DST: variants seen among roughly 807,000 people sequenced by gnomAD.
DST encodes the protein dystonin.
A neutral mutation model predicts 875.2 loss-of-function variants in DST; 253 were observed. The observed-to-expected ratio is 0.29, with a 90% CI of 0.26 to 0.32. The LOEUF is 0.32. Ranked by LOEUF, DST falls within the 10% of genes least tolerant of loss-of-function variation. DST has a pLI of 1.00. For missense variants in DST, 8,287 were observed against 9,111.6 expected (o/e 0.91, Z 3.68); for synonymous variants, 3,124 against 3,197.1 (o/e 0.98, Z 0.77).
At chr6:56,883,096 G>C (rs1592054953) in intron 3 of DST, among the ~76,000 whole-genome samples, 1 of 152,186 alleles carries the variant, frequency 6.6e-6, no homozygotes, top group East Asian at 1.9e-4. Context: ...TCAAACTCCT[G>C]ACCTCAGGTG....
chr6:56,472,011 G>GA (rs1207271998), intron 94 of DST, 48 bp downstream of exon 94: 1 of 1,591,862 alleles, frequency 6.3e-7, no homozygotes, highest in Admixed American at 1.7e-5. Context: ...GTGTTATGAG[G>GA]AATGAGGGCA....
intron 49 of DST, among the ~76,000 whole-genome samples, chr6:56,591,830 C>G (rs987286936): frequency 1.3e-5 from 2 of 151,554 alleles, no homozygotes; most frequent in Non-Finnish European, 1.5e-5. Context: ...AAAATTAGCG[C>G]CTGTAGTCCC....
chr6:56,629,257 C>CATGATACT lies in DST; in HGVS notation c.4467_4468insAGTATCAT (p.Asp1490SerfsTer10). The CATGATACT allele has an allele frequency of 6.2e-7, 1 of 1,613,674 alleles. No individual in the cohort carries two copies. Among genetic ancestry groups the CATGATACT allele is most frequent in the South Asian group, 1.1e-5 (1 of 91,062 alleles). Reference sequence around the variant, plus strand: ...ACAAAAAAGGATACTAACCTGTTGTCAATCTGCACATGAACATTTTGCCAC... The same window carrying CATGATACT: ...ACAAAAAAGGATACTAACCTGTTGTCATGATACTAATCTGCACATGAACATTTTGCCAC... On this transcript the variant is annotated frameshift_variant, in exon 32 of 104. Transcript: ENST00000680361. LOFTEE classifies it high-confidence loss of function.
At chr6:56,670,078 G>A (rs1398516249) in intron 10 of DST, among the ~76,000 whole-genome samples, 1 of 151,826 alleles carries the variant, frequency 6.6e-6, no homozygotes, top group African/African-American at 2.4e-5. Flanking sequence ...TGCTATCTGC[G>A]AAGTTACTGA....
At chr6:56,617,274 C>A (rs1191842620) in intron 36 of DST, 6 of 1,612,732 alleles carry the variant, frequency 3.7e-6, no homozygotes, top group Non-Finnish European at 5.1e-6. Context: ...GGTTCTAAGC[C>A]CTTCTTAAGG....
chr6:56,645,819 G>A, intron 15 of DST, 47 bp downstream of exon 15: 1 of 1,599,120 alleles, frequency 6.3e-7, no homozygotes, highest in Non-Finnish European at 8.5e-7. Context: ...GAACACAAAG[G>A]CCCCCTCCCC....
chr6:56,545,828 T>TC (rs1346283897), intron 61 of DST, among the ~76,000 whole-genome samples: 2 of 152,176 alleles, frequency 1.3e-5, no homozygotes, highest in African/African-American at 4.8e-5. Flanking sequence ...GCTCTTGAAA[T>TC]CAGGATGAGA....
Position 56,851,623 on chromosome 6 carries a change from A to G in DST, c.418-19T>C, listed in dbSNP as rs1366972446. 8.7e-6 allele frequency: 14 copies of G among 1,610,354 alleles called. No homozygotes were observed. The highest frequency in any genetic ancestry group is 2.7e-5 in the African/African-American group (2 of 74,938). ...CGGAACTCTACAGAGAATGACACAG[A>G]AAAAGCATTAACAGCAAAATACTCA... On this transcript the variant is annotated intron_variant, in intron 3 of 103. Transcript: ENST00000680361.
intron 3 of DST, among the ~76,000 whole-genome samples, chr6:56,885,316 T>C (rs1198827088): frequency 6.6e-6 from 1 of 152,242 alleles, no homozygotes; most frequent in East Asian, 1.9e-4. Flanking sequence ...GTACAATTCA[T>C]GTGCCAGGGT....
At chr6:56,584,377 T>C (rs1260005454) in intron 49 of DST, among the ~76,000 whole-genome samples, 1 of 152,188 alleles carries the variant, frequency 6.6e-6, no homozygotes, top group Non-Finnish European at 1.5e-5. Context: ...AGTTCACTCA[T>C]GATTTGGCTC....
intron 4 of DST, among the ~76,000 whole-genome samples, chr6:56,801,032 A>AAAAAAC (rs2099746127): frequency 1.3e-5 from 2 of 151,806 alleles, no homozygotes; most frequent in African/African-American, 4.8e-5. Flanking sequence ...GGAGAAAAAA[A>AAAAAAC]AAAAAAAAAA....
intron 88 of DST, 48 bp from the exon 89 acceptor site, chr6:56,482,925 A>G (rs375114850): frequency 7.2e-7 from 1 of 1,390,558 alleles, no homozygotes; most frequent in Non-Finnish European, 9.6e-7. Flanking sequence ...CAAAACCAAA[A>G]CAGCAACACA....
intron 4 of DST, among the ~76,000 whole-genome samples, chr6:56,792,170 G>GT (rs997268937): frequency 3.1e-4 from 46 of 147,232 alleles, no homozygotes; most frequent in South Asian, 6.5e-4. Context: ...AGGTTTTTTT[G>GT]TTTTTTTTTT....
intron 89 of DST, 168 bp downstream of exon 89, chr6:56,482,515 C>G (rs752899982): frequency 5.1e-5 from 33 of 641,214 alleles, no homozygotes; most frequent in Non-Finnish European, 7.2e-5. Flanking sequence ...AATTTAAATT[C>G]ATGAGGGAGG....
At chr6:56,712,866 A>C (rs1429021710) in intron 5 of DST, among the ~76,000 whole-genome samples, 1 of 152,208 alleles carries the variant, frequency 6.6e-6, no homozygotes, top group Non-Finnish European at 1.5e-5. Context: ...TTCCTCATCA[A>C]ATCCTCCCAG....
intron 3 of DST, among the ~76,000 whole-genome samples, chr6:56,876,846 A>G (rs763935536): frequency 6.6e-6 from 1 of 152,122 alleles, no homozygotes; most frequent in Non-Finnish European, 1.5e-5. Context: ...GCCCCCTTTC[A>G]TCTCCCTAAA....
chr6:56,607,003 T>G lies in DST; in HGVS notation c.7625A>C (p.Gln2542Pro). The G allele has an allele frequency of 6.2e-7, 1 of 1,613,528 alleles. No individual in the cohort carries two copies. Among genetic ancestry groups the G allele is most frequent in the Non-Finnish European group, 8.5e-7 (1 of 1,179,626 alleles). ...GEDEKTHPGF[Q>P]QMPEDKEDES... The stretch of plus-strand genomic sequence containing the variant: ...ATCTTCCTTGTCTTCAGGCATCTGC[T>G]GAAAACCTGGATGTGTTTTTTCATC... Residue 2542 changes from glutamine (Q) to proline (P), a missense_variant, in exon 40 of 104, where the codon CAG (glutamine) becomes CCG (proline). Transcript: ENST00000680361.
At chr6:56,762,962 T>C (rs2099621149) in intron 4 of DST, among the ~76,000 whole-genome samples, 1 of 149,086 alleles carries the variant, frequency 6.7e-6, no homozygotes, top group Non-Finnish European at 1.5e-5. Flanking sequence ...GCGATTCTCC[T>C]ACCTCAGCTT....
At position 56,515,581 on chromosome 6, in the gene DST, G is replaced by A. The variant is rs778813282; in HGVS notation, c.18445C>T (p.Leu6149=). The change falls in exon 72 of 104, where the codon CTG becomes TTG. Residue 6149 remains leucine (L), a synonymous_variant. Transcript: ENST00000680361. ...RYLQLERAQS[L]VNQFWETYEE... ...TATGTTTCCCAGAATTGGTTAACCA[G>A]GGACTGTGCCCGTTCCAGCTGCAGA... 1.2e-6 allele frequency: 2 copies of A among 1,613,764 alleles called. No homozygotes were observed. The highest frequency in any genetic ancestry group is 4.5e-5 in the East Asian group (2 of 44,882).
Sources: gnomAD v4.1 joint callset for allele counts (sites outside exome capture counted in the v4.1 genomes callset) on GRCh38, gnomAD v4.1.1 for gene constraint, MANE v1.5 for transcripts, NCBI Gene and HGNC (gene_info 2026-07-23, HGNC 2026-07-21) for gene names.